AP4E1: variants seen among roughly 807,000 people sequenced by gnomAD.
AP4E1 encodes AP-4 complex subunit epsilon-1.
A neutral mutation model predicts 128.2 loss-of-function variants in AP4E1; 56 were observed. The observed-to-expected ratio is 0.44, with a 90% CI of 0.35 to 0.55. The LOEUF is 0.55. AP4E1 is among the 20% of genes least tolerant of loss of function. The probability of loss-of-function intolerance (pLI) is 0.00; values close to 1 mark genes in which losing one functional copy is unlikely to be tolerated. For missense variants in AP4E1, 1,324 were observed against 1,307.7 expected (o/e 1.01, Z -0.19); for synonymous variants, 484 against 473.1 (o/e 1.02, Z -0.30).
At chr15:50,981,509 A>G (rs971460752) in intron 15 of AP4E1, among the ~76,000 whole-genome samples, 1 of 152,214 alleles carries the variant, frequency 6.6e-6, no homozygotes, top group Admixed American at 6.5e-5. Context: ...AGTCTCACCC[A>G]TATCTGATTT....
At chr15:51,001,686 C>T (rs1042787356) in intron 20 of AP4E1, among the ~76,000 whole-genome samples, 4 of 152,040 alleles carry the variant, frequency 2.6e-5, no homozygotes, top group Admixed American at 6.6e-5. Context: ...AGAATGTGTC[C>T]GAATTTTAAT....
chr15:50,968,770 G>A (rs1258580596), intron 15 of AP4E1, among the ~76,000 whole-genome samples: 1 of 152,168 alleles, frequency 6.6e-6, no homozygotes, highest in Non-Finnish European at 1.5e-5. Flanking sequence ...TGGATTTACA[G>A]GTGGGTGCCA....
At chr15:50,999,893 T>C (rs1488681826) in intron 19 of AP4E1, among the ~76,000 whole-genome samples, 4 of 133,986 alleles carry the variant, frequency 3.0e-5, no homozygotes, top group East Asian at 2.4e-4. Context: ...TGATGTGTTA[T>C]TAAACTATTA....
intron 13 of AP4E1, among the ~76,000 whole-genome samples, chr15:50,954,954 T>C (rs1422760046): frequency 1.2e-4 from 18 of 152,216 alleles, no homozygotes. Context: ...TTTGGTTTTC[T>C]GTCCTTGTGA....
chr15:50,933,799 A>G (rs1349602766), intron 7 of AP4E1, among the ~76,000 whole-genome samples: 1 of 152,166 alleles, frequency 6.6e-6, no homozygotes. Flanking sequence ...TAATTAATTT[A>G]TATAGTCCCA....
At chr15:50,971,318 A>G (rs2064474682) in intron 15 of AP4E1, among the ~76,000 whole-genome samples, 1 of 152,094 alleles carries the variant, frequency 6.6e-6, no homozygotes, top group South Asian at 2.1e-4. Context: ...TCCAGCTGTT[A>G]GCCTAATGGG....
At chr15:50,962,097 G>A (rs1215767381) in intron 14 of AP4E1, among the ~76,000 whole-genome samples, 1 of 151,798 alleles carries the variant, frequency 6.6e-6, no homozygotes, top group Non-Finnish European at 1.5e-5. Flanking sequence ...AACTTCAAAA[G>A]GCTGATAAAA....
chr15:50,991,072 G>A (rs993766487), intron 16 of AP4E1, among the ~76,000 whole-genome samples: 2 of 152,324 alleles, frequency 1.3e-5, no homozygotes, highest in Admixed American at 1.3e-4. Context: ...GAGATGGATG[G>A]CAAGGACTTT....
intron 14 of AP4E1, among the ~76,000 whole-genome samples, chr15:50,961,166 C>T (rs1349053409): frequency 2.6e-5 from 4 of 152,040 alleles, no homozygotes; most frequent in Non-Finnish European, 5.9e-5. Flanking sequence ...CAAATGAATT[C>T]TGGCAAATTT....
intron 5 of AP4E1, among the ~76,000 whole-genome samples, chr15:50,927,627 A>AT (rs1281274447): frequency 2.0e-5 from 3 of 151,768 alleles, no homozygotes; most frequent in African/African-American, 7.3e-5. Context: ...CACAGTATTA[A>AT]TACTAACAGT....
chr15:50,913,139 A>G (rs2063584542), intron 2 of AP4E1, among the ~76,000 whole-genome samples: 1 of 152,234 alleles, frequency 6.6e-6, no homozygotes, highest in African/African-American at 2.4e-5. Flanking sequence ...TAACACTTGT[A>G]AAGTCTGAGA....
chr15:50,964,174 A>G (rs1407926843), intron 14 of AP4E1, among the ~76,000 whole-genome samples: 2 of 152,136 alleles, frequency 1.3e-5, no homozygotes, highest in African/African-American at 2.4e-5. Flanking sequence ...TATGTCATGT[A>G]TGCTTTCTTT....
At chr15:50,961,799 G>C (rs1026682592) in intron 14 of AP4E1, among the ~76,000 whole-genome samples, 1 of 151,966 alleles carries the variant, frequency 6.6e-6, no homozygotes, top group South Asian at 2.1e-4. Flanking sequence ...AACTGGAAAA[G>C]AGGAAGTCAA....
intron 10 of AP4E1, among the ~76,000 whole-genome samples, chr15:50,942,162 C>T (rs753085015): frequency 2.0e-5 from 3 of 152,182 alleles, no homozygotes; most frequent in Non-Finnish European, 4.4e-5. Context: ...AGTGATCTGC[C>T]TGCCTTGGCC....
At chr15:50,908,134 G>C (rs2063514744), upstream of AP4E1, among the ~76,000 whole-genome samples, 1 of 152,204 alleles carries the variant, frequency 6.6e-6, no homozygotes, top group South Asian at 2.1e-4. Flanking sequence ...GGGGCGGACG[G>C]GAAGCGACAG....
At position 50,997,780 on chromosome 15, in the gene AP4E1, T is replaced by C. The variant is rs2064899581; in HGVS notation, c.2801T>C (p.Ile934Thr). The C allele has an allele frequency of 4.3e-6, 7 of 1,609,960 alleles. No individual in the cohort carries two copies. The highest frequency in any genetic ancestry group is 1.3e-5 in the African/African-American group (1 of 74,680). ...ACTATATCAGTGTCTTCTTATAAAATTTGGAAAGATGATTGTTTATTGATG... is the reference window on the plus strand; with the variant it reads ...ACTATATCAGTGTCTTCTTATAAAACTTGGAAAGATGATTGTTTATTGATG... ...NETISVSSYKIWKDDCLLMVW... is the reference protein window; with the variant it reads ...NETISVSSYKTWKDDCLLMVW... The change falls in exon 18 of 21, where the codon ATT becomes ACT. Residue 934 changes from isoleucine (I) to threonine (T), a missense_variant. By Grantham distance (89) the Ile-to-Thr change is moderately conservative. Transcript: ENST00000261842.
rs369655688 is a variant in AP4E1, at chr15:50,993,566, A to G, written c.2287A>G (p.Lys763Glu). The G allele has an allele frequency of 2.5e-5, 40 of 1,613,966 alleles. No individual in the cohort carries two copies. Among genetic ancestry groups the G allele is most frequent in the Non-Finnish European group, 3.4e-6 (4 of 1,179,968 alleles). The change falls in exon 17 of 21, where the codon AAG becomes GAG. Residue 763 changes from lysine (K) to glutamate (E), a missense_variant. Physicochemically the swap from Lys to Glu is moderately conservative, Grantham distance 56. Transcript: ENST00000261842. ...TACCCAATCTAAAGAGGAGAAAGAA[A>G]AGCAGCTGCTGGCATCATCATTATT... is the stretch of plus-strand genomic sequence containing the variant. ...VLTQSKEEKE[K>E]QLLASSLFVG...
Position 50,997,583 on chromosome 15 carries a change from A to G in AP4E1, c.2604A>G (p.Ser868=). 6.2e-7 allele frequency: 1 copy of G among 1,614,080 alleles called. No homozygotes were observed. Reference sequence around the variant, plus strand: ...AACTGCCCTTGGTTGAGAAATTCTCATATTGTAGTCTGTCTACACCTTCAT... The same window carrying G: ...AACTGCCCTTGGTTGAGAAATTCTCGTATTGTAGTCTGTCTACACCTTCAT... ...LTELPLVEKF[S]YCSLSTPSLF... is the part of the protein sequence containing the mutation. The change falls in exon 18 of 21, where the codon TCA becomes TCG. Residue 868 remains serine (S), a synonymous_variant. Coordinates refer to ENST00000261842, the MANE Select transcript of AP4E1 (RefSeq NM_007347.5).
intron 15 of AP4E1, among the ~76,000 whole-genome samples, chr15:50,983,750 G>C (rs1567255104): frequency 2.2e-4 from 34 of 151,192 alleles, no homozygotes; most frequent in African/African-American, 8.2e-4. Context: ...TCCTAATTGA[G>C]TTTTTTTTTA....
Sources: allele counts gnomAD v4.1 joint callset (sites outside exome capture counted in the v4.1 genomes callset), GRCh38; gene constraint gnomAD v4.1.1; transcripts MANE v1.5; gene names NCBI Gene and HGNC (gene_info 2026-07-23, HGNC 2026-07-21).